The following MARS1 variants were observed in gnomAD, a reference collection of about 807,000 sequenced individuals.
The protein encoded by MARS1 is methionyl-tRNA synthetase 1, also known as methionine--tRNA ligase, cytoplasmic.
MARS1 carries 80 observed loss-of-function variants against 119.5 expected under a neutral mutation model. The ratio of observed to expected loss-of-function variants is 0.67; its 90% CI spans 0.56 to 0.81. MARS1 has a LOEUF of 0.81. Ranked by LOEUF, MARS1 falls within the 30% of genes least tolerant of loss-of-function variation. The probability of loss-of-function intolerance (pLI) is 0.00; values close to 1 mark genes in which losing one functional copy is unlikely to be tolerated. For missense variants in MARS1, 945 were observed against 1,116.5 expected, an observed-to-expected ratio of 0.85 and a Z score of 2.19; for synonymous variants, 418 against 433.4, an observed-to-expected ratio of 0.96 and a Z score of 0.44.
At chr12:57,489,731 A>G in intron 4 of MARS1, 165 bp from the exon 5 acceptor site, 1 of 1,070,568 alleles carries the variant, frequency 9.3e-7, no homozygotes. Flanking sequence ...ATGGGATAAT[A>G]TTAGTACCTA....
intron 4 of MARS1, 155 bp from the exon 5 acceptor site, chr12:57,489,741 A>G: frequency 9.4e-7 from 1 of 1,060,536 alleles, no homozygotes; most frequent in Non-Finnish European, 1.4e-6. Context: ...ATTAGTACCT[A>G]TCTCAGTGAG....
At chr12:57,495,594 G>T (rs1032820793) in intron 7 of MARS1, among the ~76,000 whole-genome samples, 10 of 150,216 alleles carry the variant, frequency 6.7e-5, no homozygotes, top group Non-Finnish European at 1.2e-4. Context: ...CTTCCCAGAC[G>T]GGGTGGCGGC....
chr12:57,498,444 C>T lies in MARS1; in HGVS notation c.912C>T (p.Asn304=). The T allele has an allele frequency of 6.2e-7, 1 of 1,614,040 alleles. No individual in the cohort carries two copies. The highest frequency in any genetic ancestry group is 1.7e-4 in the Middle Eastern group (1 of 5,960). The stretch of plus-strand genomic sequence containing the variant: ...GGTACTCTCGCCTCCGCCAGTGGAA[C>T]ACCCTCTATCTGTGTGGGACAGATG... The part of the protein sequence containing the change: ...FARYSRLRQW[N]TLYLCGTDEY... Residue 304 remains asparagine, a synonymous_variant, in exon 9 of 21, where the codon AAC becomes AAT. Coordinates refer to ENST00000262027, the MANE Select transcript of MARS1 (RefSeq NM_004990.4).
chr12:57,514,716 C>T lies in MARS1; in HGVS notation c.1968-4C>T. 1 of 1,614,076 alleles carries T rather than the reference C, an allele frequency of 6.2e-7. No homozygotes were observed. Among genetic ancestry groups the T allele is most frequent in the Non-Finnish European group, 8.5e-7 (1 of 1,180,016 alleles). ...CCACTTCTGCTTTCCTACTCCCAAC[C>T]AAGAGCTGGGATGTTTGTGTCTAAG... On this transcript the variant is annotated splice_region_variant and splice_polypyrimidine_tract_variant and intron_variant, in intron 15 of 20. Transcript: ENST00000262027.
intron 7 of MARS1, among the ~76,000 whole-genome samples, chr12:57,496,101 T>TGATCCACTTGTC (rs1443585598): frequency 1.3e-5 from 2 of 151,898 alleles, no homozygotes; most frequent in Admixed American, 6.6e-5. Flanking sequence ...ACTGACCTCA[T>TGATCCACTTGTC]GATCCACTTG....
At chr12:57,497,156 A>G (rs1295019814) in intron 7 of MARS1, among the ~76,000 whole-genome samples, 1 of 152,212 alleles carries the variant, frequency 6.6e-6, no homozygotes, top group African/African-American at 2.4e-5. Flanking sequence ...GTGTGGGAAG[A>G]TGGCCATCAG....
At chr12:57,509,509 C>T (rs902906931) in intron 11 of MARS1, among the ~76,000 whole-genome samples, 6 of 151,956 alleles carry the variant, frequency 3.9e-5, no homozygotes, top group African/African-American at 1.2e-4. Flanking sequence ...AGGATTCAAG[C>T]GATTCTCCTG....
chr12:57,514,809 C>T lies in MARS1; in HGVS notation c.2057C>T (p.Thr686Ile), dbSNP rs1877700350. The part of the protein sequence containing the change: ...PDDQRLLAHV[T>I]LELQHYHQLL... ...GATCAGCGCCTGCTGGCCCATGTCA[C>T]CCTGGAGCTCCAGCACTATCACCAG... Residue 686 changes from threonine (T) to isoleucine (I), a missense_variant, in exon 16 of 21, where the codon ACC becomes ATC. Thr to Ile is a moderately conservative substitution (Grantham distance 89). Coordinates refer to ENST00000262027, the MANE Select transcript of MARS1 (RefSeq NM_004990.4). 6.2e-7 allele frequency: 1 copy of T among 1,614,080 alleles called. No individual in the cohort carries two copies. Among genetic ancestry groups the T allele is most frequent in the Admixed American group, 1.7e-5 (1 of 60,008 alleles).
chr12:57,491,500 A>G (rs973835616), intron 7 of MARS1, among the ~76,000 whole-genome samples: 3 of 152,110 alleles, frequency 2.0e-5, no homozygotes, highest in Admixed American at 2.0e-4. Flanking sequence ...TCTAACTGTT[A>G]AGTAGTCTTT....
At chr12:57,494,475 CT>C (rs1876478124) in intron 7 of MARS1, among the ~76,000 whole-genome samples, 1 of 148,424 alleles carries the variant, frequency 6.7e-6, no homozygotes, top group Non-Finnish European at 1.5e-5. Context: ...TTACAGGTGC[CT>C]GCCACCACGC....
intron 16 of MARS1, 34 bp downstream of exon 16, chr12:57,514,885 C>CA: frequency 1.9e-6 from 3 of 1,613,178 alleles, no homozygotes; most frequent in Non-Finnish European, 2.5e-6. Context: ...TTTCTGCTGG[C>CA]ATGTTGAGAG....
At position 57,490,626 on chromosome 12, in the gene MARS1, G is replaced by T. The variant is rs750799873; in HGVS notation, c.752G>T (p.Arg251Leu). 6 of 1,613,914 alleles carry T rather than the reference G, an allele frequency of 3.7e-6. No individual in the cohort carries two copies. Among genetic ancestry groups the T allele is most frequent in the Non-Finnish European group, 4.2e-6 (5 of 1,180,004 alleles). The change falls in exon 7 of 21, where the codon CGG (arginine) becomes CTG (leucine). Residue 251 changes from arginine to leucine, a missense_variant. Physicochemically the swap from Arg to Leu is moderately radical, Grantham distance 102. Transcript: ENST00000262027. ...GGCCTAGAAAGTTTGCCCCCGCTGC[G>T]GCCCCAGCAGAATCCAGTGTGAGTA... ...EKGLESLPPL[R>L]PQQNPVLPVA...
At chr12:57,493,608 T>C (rs56198826) in intron 7 of MARS1, among the ~76,000 whole-genome samples, 1 of 3,648 alleles carries the variant, frequency 2.7e-4, no homozygotes, top group African/African-American at 4.7e-4. Context: ...ATATAATATA[T>C]AATATATTAT....
At chr12:57,499,802 G>C (rs1423844845) in intron 9 of MARS1, among the ~76,000 whole-genome samples, 1 of 152,050 alleles carries the variant, frequency 6.6e-6, no homozygotes, top group Non-Finnish European at 1.5e-5. Flanking sequence ...GGGAGGCTGA[G>C]GCAGAGAATT....
Position 57,498,540 on chromosome 12 carries a change from C to T in MARS1, c.1008C>T (p.Tyr336=), listed in dbSNP as rs764131535. 7.5e-5 allele frequency: 121 copies of T among 1,614,084 alleles called. No homozygotes were observed. The highest frequency in any genetic ancestry group is 1.0e-4 in the Non-Finnish European group (119 of 1,180,042). Residue 336 remains tyrosine, a synonymous_variant, in exon 9 of 21, where the codon TAC becomes TAT. Coordinates refer to ENST00000262027, the MANE Select transcript of MARS1 (RefSeq NM_004990.4). ...GLTPQEICDK[Y]HIIHADIYRW... ...CCCCCCAGGAGATCTGCGACAAGTACCACATCATCCATGCTGACATCTACC... is the reference window on the plus strand; with the variant it reads ...CCCCCCAGGAGATCTGCGACAAGTATCACATCATCCATGCTGACATCTACC...
In MARS1 at chr12:57,493,419, A is replaced by T. The variant is rs1233272497; in HGVS notation, c.770+2775A>T. On this transcript the variant is annotated intron_variant, in intron 7 of 20. Coordinates refer to ENST00000262027, the MANE Select transcript of MARS1 (RefSeq NM_004990.4). The stretch of plus-strand genomic sequence containing the variant: ...TATAATATATGTTATATAATATATT[A>T]TATGATATGTATAATATATTACATA... Among the ~76,000 whole-genome samples, 4 of 30,198 alleles carry T rather than the reference A, an allele frequency of 1.3e-4. 2 individuals are homozygous for T. The highest frequency in any genetic ancestry group is 2.2e-4 in the Non-Finnish European group (4 of 17,882). The allele number at this position is 30,198 out of a possible 152,430, so 19.8% of individuals were successfully genotyped here.
Position 57,489,252 on chromosome 12 carries a change from T to C in MARS1, c.201-15T>C, listed in dbSNP as rs201607906. ...CCCCTCTAAGTCCATCATCTGTTGC[T>C]CTCTCTCTGGGCAGATATTTTTTTT... On this transcript the variant is annotated splice_polypyrimidine_tract_variant and intron_variant, in intron 2 of 20. Transcript: ENST00000262027. The C allele has an allele frequency of 6.2e-7, 1 of 1,613,286 alleles. No individual in the cohort carries two copies. Among genetic ancestry groups the C allele is most frequent in the East Asian group, 2.2e-5 (1 of 44,880 alleles).
intron 1 of MARS1, chr12:57,488,514 C>T: frequency 1.3e-6 from 2 of 1,488,138 alleles, no homozygotes; most frequent in Non-Finnish European, 9.2e-7. Context: ...CCCCTCTGCT[C>T]TTTAGTTACT....
At chr12:57,488,359 GTCACA>G (rs2139994726) in intron 1 of MARS1, 160 bp downstream of exon 1, 1 of 742,796 alleles carries the variant, frequency 1.3e-6, no homozygotes, top group Non-Finnish European at 2.2e-6. Context: ...TTCCCTCCCA[GTCACA>G]TCTTTCACTT....
Sources: gnomAD v4.1 joint callset for allele counts (sites outside exome capture counted in the v4.1 genomes callset) on GRCh38, gnomAD v4.1.1 for gene constraint, MANE v1.5 for transcripts, NCBI Gene and HGNC (gene_info 2026-07-23, HGNC 2026-07-21) for gene names.